Variants in VIRMA observed in about 807,000 individuals in gnomAD.
VIRMA encodes vir like m6A methyltransferase associated.
Under a neutral mutation model 182.4 loss-of-function variants are expected in VIRMA, and 65 were observed. That is an observed-to-expected ratio of 0.36 (90% CI 0.29 to 0.44). VIRMA has a LOEUF of 0.44. VIRMA is among the 20% of genes least tolerant of loss of function. The pLI, the probability that VIRMA is intolerant of heterozygous loss-of-function variation, is 1.00. For synonymous variants in VIRMA, 709 were observed against 743.1 expected, an observed-to-expected ratio of 0.95 and a Z score of 0.75; for missense variants, 1,752 against 2,158.1, an observed-to-expected ratio of 0.81 and a Z score of 3.73.
chr8:94,544,276 T>C (rs1008185682), intron 1 of VIRMA, among the ~76,000 whole-genome samples: 3 of 152,148 alleles, frequency 2.0e-5, no homozygotes, highest in African/African-American at 7.2e-5. Flanking sequence ...GATAATATAA[T>C]CCAAATATTG....
chr8:94,543,845 G>C lies in VIRMA; in HGVS notation c.161C>G (p.Pro54Arg). The C allele has an allele frequency of 6.2e-7, 1 of 1,601,566 alleles. No homozygotes were observed. Among genetic ancestry groups the C allele is most frequent in the Non-Finnish European group, 8.5e-7 (1 of 1,170,248 alleles). Reference sequence around the variant, plus strand: ...GACTTACCCATATGCTCTATTGTCTGGCAGACTGCTATGGGCTCTTACTCC... The same window carrying C: ...GACTTACCCATATGCTCTATTGTCTCGCAGACTGCTATGGGCTCTTACTCC... ...PPGVRAHSSL[P>R]DNRAYGETSP... Residue 54 changes from proline to arginine, a missense_variant, in exon 2 of 24, where the codon CCA (proline) becomes CGA (arginine). Transcript: ENST00000297591.
chr8:94,492,435 C>G lies in VIRMA; in HGVS notation c.4808+217G>C, dbSNP rs563197032. ...AGTAGCTGGGACTACAGGCACCCAC[C>G]ACCACGACCAGCTAATTTTTTTTTT... On this transcript the variant is annotated intron_variant, in intron 21 of 23. Transcript: ENST00000297591. 2.7e-4 allele frequency among the ~76,000 whole-genome samples: 41 copies of G among 152,068 alleles called. 1 individual carries two copies. In the South Asian group the frequency reaches 8.5e-3, roughly 32 times the overall value.
intron 2 of VIRMA, among the ~76,000 whole-genome samples, chr8:94,539,452 G>T (rs1457943443): frequency 6.6e-6 from 1 of 152,094 alleles, no homozygotes; most frequent in Non-Finnish European, 1.5e-5. Flanking sequence ...TTATGTAAAA[G>T]ATACTATACC....
At chr8:94,511,952 T>C in intron 12 of VIRMA, 44 bp downstream of exon 12, 1 of 1,100,076 alleles carries the variant, frequency 9.1e-7, no homozygotes, top group Non-Finnish European at 1.3e-6. Flanking sequence ...ATATTTATTC[T>C]AGGCTTAAGA....
At chr8:94,495,654 AC>A (rs1813748719) in intron 19 of VIRMA, 76 bp downstream of exon 19, 7 of 1,242,340 alleles carry the variant, frequency 5.6e-6, no homozygotes, top group South Asian at 1.5e-5. Flanking sequence ...ATAGAAAAAA[AC>A]GTTTGCTGGC....
intron 20 of VIRMA, among the ~76,000 whole-genome samples, chr8:94,493,035 CATTCTTCA>C (rs1813656955): frequency 6.6e-6 from 1 of 152,142 alleles, no homozygotes; most frequent in Non-Finnish European, 1.5e-5. Context: ...TTGTGTGTGG[CATTCTTCA>C]AAGCAGGGCT....
intron 10 of VIRMA, among the ~76,000 whole-genome samples, chr8:94,515,972 G>A (rs1034898103): frequency 6.6e-6 from 1 of 151,742 alleles, no homozygotes; most frequent in Non-Finnish European, 1.5e-5. Flanking sequence ...GCTGGGCATG[G>A]TAGCACGCAC....
At chr8:94,506,383 C>A in intron 16 of VIRMA, 117 bp downstream of exon 16, 1 of 653,468 alleles carries the variant, frequency 1.5e-6, no homozygotes, top group African/African-American at 1.8e-5. Context: ...ATTTCTCCCA[C>A]GAAAGAAATC....
intron 2 of VIRMA, among the ~76,000 whole-genome samples, chr8:94,538,592 C>A (rs1209798605): frequency 1.3e-5 from 2 of 152,026 alleles, no homozygotes; most frequent in Non-Finnish European, 2.9e-5. Flanking sequence ...GTACTTTTTG[C>A]ATGCTATCAC....
At position 94,489,076 on chromosome 8, in the gene VIRMA, A is replaced by AT. The variant is rs564256410; in HGVS notation, c.5285-217dup. Reference sequence around the variant, plus strand: ...GAATTATATCCTAAATAAAACTATTATTTTTTAAAAATGTGCATTTGAAAC... The same window carrying AT: ...GAATTATATCCTAAATAAAACTATTATTTTTTTAAAAATGTGCATTTGAAAC... On this transcript the variant is annotated intron_variant, in intron 23 of 23. Coordinates refer to ENST00000297591, the MANE Select transcript of VIRMA (RefSeq NM_015496.5). Among the ~76,000 whole-genome samples, 310 of 152,322 alleles carry AT rather than the reference A, an allele frequency of 2.0e-3. 4 individuals are homozygous for AT. The highest frequency in any genetic ancestry group is 6.8e-3 in the African/African-American group (282 of 41,584).
chr8:94,496,608 C>G (rs964751657), intron 17 of VIRMA, 128 bp from the exon 18 acceptor site: 13 of 657,452 alleles, frequency 2.0e-5, no homozygotes, highest in Non-Finnish European at 3.2e-5. Flanking sequence ...TACATCAGTA[C>G]AAATGGCTAG....
chr8:94,527,132 G>A lies in VIRMA; in HGVS notation c.1112C>T (p.Pro371Leu), dbSNP rs780941468. 1.6e-5 allele frequency: 26 copies of A among 1,613,914 alleles called. No homozygotes were observed. The highest frequency in any genetic ancestry group is 2.2e-5 in the Non-Finnish European group (26 of 1,180,006). The change falls in exon 8 of 24, where the codon CCA becomes CTA. Residue 371 changes from proline (P) to leucine (L), a missense_variant. Pro to Leu is a moderately conservative substitution (Grantham distance 98). Around this residue, in one of 11 missense-constraint regions of VIRMA, gnomAD observed 401 missense variants for 455.1 expected, o/e 0.88. Transcript: ENST00000297591. ...GATTGCCCCTGAATTTTCTTTATCT[G>A]GACCTTGATCCTTCATTCTACTGAT... ...IEISRMKDQG[P>L]DKENSGAIEA...
chr8:94,538,139 T>C, intron 3 of VIRMA, 121 bp downstream of exon 3: 1 of 715,166 alleles, frequency 1.4e-6, no homozygotes, highest in South Asian at 1.6e-5. Context: ...ATGACACAAT[T>C]AAACCCTGTG....
chr8:94,498,472 T>C (rs1327474806), intron 17 of VIRMA: 2 of 152,164 alleles, frequency 1.3e-5, no homozygotes, highest in Non-Finnish European at 2.9e-5. Context: ...TAACTCAATG[T>C]CATAAATTTT....
chr8:94,524,185 G>C (rs1814872729), intron 8 of VIRMA, among the ~76,000 whole-genome samples: 1 of 151,952 alleles, frequency 6.6e-6, no homozygotes, highest in Admixed American at 6.6e-5. Flanking sequence ...TTTTAGTAGA[G>C]ATGGGGTTTC....
At chr8:94,510,967 C>T (rs561444691) in intron 13 of VIRMA, 1,032 of 1,350,132 alleles carry the variant, frequency 7.6e-4, no homozygotes, top group Non-Finnish European at 9.5e-4. Context: ...TACATAACAG[C>T]AAAATAAAAC....
At chr8:94,552,683 AT>A (rs1336233660) in intron 1 of VIRMA, among the ~76,000 whole-genome samples, 1 of 152,154 alleles carries the variant, frequency 6.6e-6, no homozygotes, top group Non-Finnish European at 1.5e-5. Flanking sequence ...CCAATTGTAC[AT>A]TAAGGGGCGC....
intron 1 of VIRMA, among the ~76,000 whole-genome samples, chr8:94,549,387 A>T (rs1349566655): frequency 6.6e-6 from 1 of 152,278 alleles, no homozygotes; most frequent in East Asian, 1.9e-4. Flanking sequence ...CTAAAGCCAT[A>T]CCCTCACCTT....
In VIRMA at chr8:94,545,047, C is replaced by T. The variant is rs543340969; in HGVS notation, c.64-1105G>A. ...GGCTGAGGTAGGAGGATCACTTGAG[C>T]CCAGGAGTTTGAGGCTATAGTTAAG... is the stretch of plus-strand genomic sequence containing the variant. On this transcript the variant is annotated intron_variant, in intron 1 of 23. Transcript: ENST00000297591. Among the ~76,000 whole-genome samples the T allele has an allele frequency of 2.6e-5, 4 of 152,120 alleles. No homozygotes were observed. In the East Asian group the frequency reaches 7.7e-4, roughly 29 times the overall value.
Sources: allele counts gnomAD v4.1 joint callset (sites outside exome capture counted in the v4.1 genomes callset), GRCh38; gene constraint gnomAD v4.1.1; regional missense constraint gnomAD v4.1.1; transcripts MANE v1.5; gene names NCBI Gene and HGNC (gene_info 2026-07-23, HGNC 2026-07-21).